The following LRGUK variants were observed in gnomAD, a reference collection of about 807,000 sequenced individuals.
LRGUK encodes leucine-rich repeat and guanylate kinase domain-containing protein.
A neutral mutation model predicts 76.0 loss-of-function variants in LRGUK; 65 were observed. The ratio of observed to expected loss-of-function variants is 0.85; its 90% confidence interval spans 0.70 to 1.05. The LOEUF (loss-of-function observed/expected upper bound fraction) is 1.05, where lower values mean the gene tolerates loss of function less well. Among genes scored for constraint, LRGUK ranks in the 50% least tolerant of loss-of-function variants. The pLI is 0.00. For synonymous variants in LRGUK, 268 were observed against 265.6 expected (o/e 1.01, Z -0.09); for missense variants, 758 against 732.8 (o/e 1.03, Z -0.40).
intron 5 of LRGUK, among the ~76,000 whole-genome samples, chr7:134,151,047 G>A (rs948272202): frequency 6.6e-6 from 1 of 152,150 alleles, no homozygotes; most frequent in Admixed American, 6.5e-5. Context: ...TGAAAAGATA[G>A]TAGGCTAGTT....
intron 1 of LRGUK, among the ~76,000 whole-genome samples, chr7:134,134,437 A>G (rs77776806): frequency 0.14 from 20,557 of 152,202 alleles, 1,696 homozygotes; most frequent in East Asian, 0.33. Context: ...GGATAACAAC[A>G]GGAGCTTGAA....
At chr7:134,270,851 T>C in the LRGUK span, among the ~76,000 whole-genome samples, 1 of 151,984 alleles carries the variant, frequency 6.6e-6, no homozygotes, top group Non-Finnish European at 1.5e-5. Context: ...TGTGTAGGGG[T>C]GGAATTGCTG....
chr7:134,156,824 A>G (rs138310079), intron 5 of LRGUK, among the ~76,000 whole-genome samples: 90 of 152,296 alleles, frequency 5.9e-4, no homozygotes, highest in African/African-American at 2.1e-3. Context: ...GTTAAAGGTG[A>G]GTTAAGTTGG....
intron 12 of LRGUK, among the ~76,000 whole-genome samples, chr7:134,193,216 G>T (rs1036735820): frequency 1.6e-4 from 25 of 152,110 alleles, no homozygotes; most frequent in African/African-American, 5.3e-4. Flanking sequence ...GCTATATTTT[G>T]GCAGTTCAGT....
At chr7:134,179,397 A>G (rs1799641885) in intron 10 of LRGUK, among the ~76,000 whole-genome samples, 2 of 152,200 alleles carry the variant, frequency 1.3e-5, no homozygotes, top group African/African-American at 4.8e-5. Context: ...TCTCTTCTTC[A>G]TGTGGTATTT....
intron 16 of LRGUK, among the ~76,000 whole-genome samples, chr7:134,223,150 C>A (rs79589306): frequency 6.6e-6 from 1 of 152,314 alleles, no homozygotes; most frequent in African/African-American, 2.4e-5. Flanking sequence ...CCTGGCTGGC[C>A]TCTTCCATTC....
chr7:134,196,621 C>T (rs535121338), intron 12 of LRGUK, among the ~76,000 whole-genome samples: 5 of 152,164 alleles, frequency 3.3e-5, no homozygotes, highest in East Asian at 1.9e-4. Flanking sequence ...GCTGAAATGG[C>T]GGCAGTAAAG....
At chr7:134,229,362 C>CAA (rs71531814) in intron 16 of LRGUK, among the ~76,000 whole-genome samples, 2 of 119,170 alleles carry the variant, frequency 1.7e-5, no homozygotes, top group African/African-American at 6.4e-5. Flanking sequence ...GACTCCATCT[C>CAA]AAAAAAAAAA....
At chr7:134,170,790 C>A (rs896065295) in intron 7 of LRGUK, among the ~76,000 whole-genome samples, 4 of 152,116 alleles carry the variant, frequency 2.6e-5, no homozygotes, top group Non-Finnish European at 4.4e-5. Context: ...TTGTGCTAAC[C>A]AATTCCCATT....
intron 10 of LRGUK, among the ~76,000 whole-genome samples, chr7:134,183,521 G>C (rs905492932): frequency 2.6e-5 from 4 of 152,110 alleles, no homozygotes; most frequent in Admixed American, 2.6e-4. Flanking sequence ...GTAAATTTAC[G>C]TAAGTTCATA....
At chr7:134,182,729 A>G (rs891081229) in intron 10 of LRGUK, among the ~76,000 whole-genome samples, 2 of 150,268 alleles carry the variant, frequency 1.3e-5, no homozygotes, top group Non-Finnish European at 3.0e-5. Context: ...CACATTGTTC[A>G]GTGTGTTGCA....
At chr7:134,219,680 GTCTCTCTCTCTCTGTC>G (rs1262216543) in intron 15 of LRGUK, among the ~76,000 whole-genome samples, 19 of 151,370 alleles carry the variant, frequency 1.3e-4, no homozygotes, top group East Asian at 3.9e-4. Flanking sequence ...CACCTCCTTT[GTCTCTCTCTCTCTGTC>G]TCTCTCTCTC....
chr7:134,257,381 G>C (rs1346783998), intron 18 of LRGUK, among the ~76,000 whole-genome samples: 2 of 152,118 alleles, frequency 1.3e-5, no homozygotes, highest in Non-Finnish European at 2.9e-5. Flanking sequence ...AGCTCCCCTG[G>C]TAGAGCTGCC....
chr7:134,175,231 G>A (rs908528556), intron 8 of LRGUK, among the ~76,000 whole-genome samples: 3 of 151,880 alleles, frequency 2.0e-5, no homozygotes, highest in Admixed American at 6.6e-5. Context: ...GCTTTCTCCC[G>A]GTCTCCTCCC....
At chr7:134,226,423 C>A (rs1194592516) in intron 16 of LRGUK, among the ~76,000 whole-genome samples, 1 of 152,118 alleles carries the variant, frequency 6.6e-6, no homozygotes, top group African/African-American at 2.4e-5. Context: ...CCATCGCATG[C>A]AATGACATGT....
At chr7:134,129,847 C>T (rs796658824) in intron 1 of LRGUK, among the ~76,000 whole-genome samples, 2 of 152,254 alleles carry the variant, frequency 1.3e-5, no homozygotes, top group African/African-American at 4.8e-5. Flanking sequence ...CATCTATTCA[C>T]AGTCACCTTT....
At chr7:134,204,776 C>T (rs1800931898) in intron 15 of LRGUK, among the ~76,000 whole-genome samples, 1 of 152,092 alleles carries the variant, frequency 6.6e-6, no homozygotes, top group Non-Finnish European at 1.5e-5. Context: ...AGAAGTAGAG[C>T]CAGTGTTCTT....
intron 16 of LRGUK, among the ~76,000 whole-genome samples, chr7:134,242,789 A>C (rs1585594403): frequency 6.6e-6 from 1 of 152,216 alleles, no homozygotes; most frequent in Non-Finnish European, 1.5e-5. Context: ...ATGATCATCG[A>C]TGCAAAAATC....
At chr7:134,243,691 GA>G (rs1296113259) in intron 16 of LRGUK, among the ~76,000 whole-genome samples, 1 of 151,978 alleles carries the variant, frequency 6.6e-6, no homozygotes, top group South Asian at 2.1e-4. Context: ...CACAGAATTG[GA>G]AAAAACTACT....
Sources: allele counts gnomAD v4.1 joint callset (sites outside exome capture counted in the v4.1 genomes callset), GRCh38; gene constraint gnomAD v4.1.1; transcripts MANE v1.5; gene names NCBI Gene and HGNC (gene_info 2026-07-23, HGNC 2026-07-21).